ERG: variants seen among roughly 807,000 people sequenced by gnomAD.
The protein encoded by ERG is ETS transcription factor ERG.
In ERG, 9 loss-of-function variants were observed where a neutral mutation model predicts 55.3. That is an observed-to-expected ratio of 0.16 (90% CI 0.10 to 0.28). ERG has a LOEUF of 0.28. Among genes scored for constraint, ERG ranks in the 10% least tolerant of loss-of-function variants. The probability of loss-of-function intolerance (pLI) is 1.00; values close to 1 mark genes in which losing one functional copy is unlikely to be tolerated. For synonymous variants in ERG, 223 were observed against 237.3 expected, an observed-to-expected ratio of 0.94 and a Z score of 0.55; for missense variants, 434 against 631.6, an observed-to-expected ratio of 0.69 and a Z score of 3.35.
At chr21:38,599,984 G>A (rs1022136664) in intron 1 of ERG, among the ~76,000 whole-genome samples, 1 of 152,222 alleles carries the variant, frequency 6.6e-6, no homozygotes, top group African/African-American at 2.4e-5. Flanking sequence ...AACCAATCAG[G>A]CCAAGAGTGA....
At chr21:38,449,470 G>C (rs1199155535) in intron 1 of ERG, among the ~76,000 whole-genome samples, 1 of 152,112 alleles carries the variant, frequency 6.6e-6, no homozygotes, top group Non-Finnish European at 1.5e-5. Flanking sequence ...TTTGGATTTT[G>C]GTCATGGGAT....
At chr21:38,543,994 C>A (rs2059771911) in intron 2 of ERG, among the ~76,000 whole-genome samples, 4 of 152,124 alleles carry the variant, frequency 2.6e-5, no homozygotes, top group African/African-American at 9.7e-5. Context: ...CCTGCCTTGA[C>A]CTCCGAAAGT....
At position 38,628,977 on chromosome 21, in the gene ERG, G is replaced by A. The variant is rs1027707473; in HGVS notation, c.-150+32681C>T. The stretch of plus-strand genomic sequence containing the variant: ...TAAACAAATTATCATTATCATTGGT[G>A]CCGTTATCAGTATACTAGTACTGTT... On this transcript the variant is annotated intron_variant, in intron 1 of 10. Coordinates refer to the ERG transcript ENST00000398910. Among the ~76,000 whole-genome samples the A allele has an allele frequency of 5.3e-5, 8 of 152,182 alleles. No individual in the cohort carries two copies. The South Asian group carries it at 1.7e-3, about 32-fold the overall frequency.
At chr21:38,586,365 G>A (rs2060065081), upstream of ERG, among the ~76,000 whole-genome samples, 1 of 151,880 alleles carries the variant, frequency 6.6e-6, no homozygotes, top group Non-Finnish European at 1.5e-5. Flanking sequence ...ATTAACTACA[G>A]TCAATAGATC....
At chr21:38,577,648 A>T (rs1020569213) in intron 1 of ERG, among the ~76,000 whole-genome samples, 5 of 152,062 alleles carry the variant, frequency 3.3e-5, no homozygotes, top group African/African-American at 9.7e-5. Context: ...AACTCCCCTT[A>T]TCCTAAGAGC....
At chr21:38,570,249 C>T (rs1391679752) in intron 2 of ERG, among the ~76,000 whole-genome samples, 1 of 152,152 alleles carries the variant, frequency 6.6e-6, no homozygotes, top group African/African-American at 2.4e-5. Context: ...TTCCCTTATC[C>T]CCAACCACTT....
chr21:38,647,067 C>A (rs542268269), intron 1 of ERG, among the ~76,000 whole-genome samples: 3 of 152,150 alleles, frequency 2.0e-5, no homozygotes, highest in African/African-American at 7.2e-5. Flanking sequence ...TGATAAGTAC[C>A]GTGTCACCTT....
chr21:38,577,153 T>C (rs1325880442), intron 1 of ERG, among the ~76,000 whole-genome samples: 1 of 152,176 alleles, frequency 6.6e-6, no homozygotes, highest in Non-Finnish European at 1.5e-5. Flanking sequence ...TCTTTCAAAT[T>C]TGCTACTGAG....
intron 9 of ERG, among the ~76,000 whole-genome samples, chr21:38,384,939 C>G (rs558854796): frequency 6.6e-6 from 1 of 151,980 alleles, no homozygotes; most frequent in East Asian, 1.9e-4. Flanking sequence ...TGTGCTGCAA[C>G]GCCAATTGTG....
intron 1 of ERG, among the ~76,000 whole-genome samples, chr21:38,464,429 G>C (rs149361673): frequency 6.6e-6 from 1 of 152,252 alleles, no homozygotes; most frequent in Non-Finnish European, 1.5e-5. Flanking sequence ...GACACACTGT[G>C]GAAAGCAATT....
At chr21:38,572,893 G>T (rs558866553) in intron 2 of ERG, among the ~76,000 whole-genome samples, 5 of 152,168 alleles carry the variant, frequency 3.3e-5, no homozygotes, top group Non-Finnish European at 5.9e-5. Context: ...CTGTTACTGT[G>T]TCTATGTAGA....
At chr21:38,367,298 A>T in the ERG span, among the ~76,000 whole-genome samples, 1 of 152,234 alleles carries the variant, frequency 6.6e-6, no homozygotes, top group Non-Finnish European at 1.5e-5. Flanking sequence ...AAATTTCTCC[A>T]TAAACATTTA....
upstream of ERG, among the ~76,000 whole-genome samples, chr21:38,589,724 C>T (rs1431894048): frequency 6.6e-6 from 1 of 152,114 alleles, no homozygotes; most frequent in Non-Finnish European, 1.5e-5. Context: ...AACCAATGTG[C>T]TGTGGATATC....
chr21:38,586,177 AT>A (rs1314564643), upstream of ERG, among the ~76,000 whole-genome samples: 19 of 144 alleles, frequency 0.13, no homozygotes, highest in African/African-American at 0.31. Flanking sequence ...ATGTTTTGAA[AT>A]ATATATATAT....
intron 2 of ERG, among the ~76,000 whole-genome samples, chr21:38,513,063 G>A (rs922893222): frequency 1.3e-5 from 2 of 151,868 alleles, no homozygotes; most frequent in African/African-American, 2.4e-5. Flanking sequence ...CCAGGGAGTC[G>A]GAGGGTGCCG....
intron 2 of ERG, among the ~76,000 whole-genome samples, chr21:38,527,928 C>T (rs1378988777): frequency 6.6e-6 from 1 of 152,192 alleles, no homozygotes; most frequent in Non-Finnish European, 1.5e-5. Context: ...AACAAAGTGC[C>T]ACACCCTGGG....
chr21:38,539,178 G>T lies in ERG; in HGVS notation c.-41+36484C>A, dbSNP rs565631011. Among the ~76,000 whole-genome samples, 22 of 152,294 alleles carry T rather than the reference G, an allele frequency of 1.4e-4. 1 individual carries two copies. The highest frequency in any genetic ancestry group is 1.4e-3 in the Admixed American group (22 of 15,284). On this transcript the variant is annotated intron_variant, in intron 2 of 8. Coordinates refer to the ERG transcript ENST00000398897. ...ATGTTTTAGTTACTGAGCATCTCCT[G>T]ACACCAGAGAGGACGCAACAAAAAT...
intron 1 of ERG, among the ~76,000 whole-genome samples, chr21:38,452,399 G>A (rs1441032412): frequency 1.3e-5 from 2 of 152,084 alleles, no homozygotes; most frequent in Non-Finnish European, 2.9e-5. Flanking sequence ...ATAAGTGTAT[G>A]CATATATGCA....
intron 2 of ERG, among the ~76,000 whole-genome samples, chr21:38,444,273 G>T (rs1337870215): frequency 6.6e-6 from 1 of 152,168 alleles, no homozygotes; most frequent in African/African-American, 2.4e-5. Context: ...TCCAAACTCT[G>T]ATTCCATTTA....
Sources: gnomAD v4.1 joint callset for allele counts (sites outside exome capture counted in the v4.1 genomes callset) on GRCh38, gnomAD v4.1.1 for gene constraint, MANE v1.5 for transcripts, NCBI Gene and HGNC (gene_info 2026-07-23, HGNC 2026-07-21) for gene names.